Variants in VAT1 observed in about 807,000 individuals in gnomAD.
VAT1 encodes vesicle amine transport 1.
In VAT1, 24 loss-of-function variants were observed where a neutral mutation model predicts 33.3. The observed-to-expected ratio is 0.72, with a 90% CI of 0.52 to 1.01. VAT1 has a LOEUF of 1.01. VAT1 is among the 50% of genes least tolerant of loss of function. The probability of loss-of-function intolerance (pLI) is 0.00; values close to 1 mark genes in which losing one functional copy is unlikely to be tolerated. For missense variants in VAT1, 436 were observed against 533.7 expected, an observed-to-expected ratio of 0.82 and a Z score of 1.80; for synonymous variants, 212 against 225.0, an observed-to-expected ratio of 0.94 and a Z score of 0.52.
chr17:43,020,657 C>T (rs1033215504), intron 1 of VAT1, among the ~76,000 whole-genome samples: 1 of 152,056 alleles, frequency 6.6e-6, no homozygotes, highest in Non-Finnish European at 1.5e-5. Flanking sequence ...GTGGGCAGAT[C>T]ACCTGAGGTC....
intron 4 of VAT1, 70 bp from the exon 5 acceptor site, chr17:43,016,618 C>A: frequency 6.4e-7 from 1 of 1,572,118 alleles, no homozygotes; most frequent in Non-Finnish European, 8.7e-7. Flanking sequence ...TCTGTGCTCT[C>A]TGTTCCCTGT....
In VAT1 at chr17:43,022,251, C is replaced by T. The variant is rs751868973; in HGVS notation, c.72G>A (p.Glu24=). The change falls in exon 1 of 6, where the codon GAG becomes GAA. Residue 24 remains glutamate, a synonymous_variant. Coordinates refer to ENST00000355653, the MANE Select transcript of VAT1 (RefSeq NM_006373.4). Reference sequence around the variant, plus strand: ...CGGGATGCTGGGGGTCGCTCGCTGCCTCGGTTTTCGGAGGCGGCGAAGAGG... The same window carrying T: ...CGGGATGCTGGGGGTCGCTCGCTGCTTCGGTTTTCGGAGGCGGCGAAGAGG... ...EDASSPPPKT[E]AASDPQHPAA... is the part of the protein sequence containing the mutation. The T allele has an allele frequency of 5.1e-6, 8 of 1,583,432 alleles. No individual in the cohort carries two copies. The highest frequency in any genetic ancestry group is 1.3e-5 in the African/African-American group (1 of 74,196).
At chr17:43,020,804 G>A (rs2050559974) in intron 1 of VAT1, among the ~76,000 whole-genome samples, 1 of 151,130 alleles carries the variant, frequency 6.6e-6, no homozygotes, top group Non-Finnish European at 1.5e-5. Context: ...GAACCCGGGA[G>A]GCAGAGGTTG....
In VAT1 at chr17:43,016,471, T is replaced by TCACGCTGAACTGATTCCACCATGTCC. The variant is rs2050521547; in HGVS notation, c.908_933dup (p.Thr312GlyfsTer9). On this transcript the variant is annotated frameshift_variant, in exon 5 of 6. Transcript: ENST00000355653. LOFTEE classifies it high-confidence loss of function. ...TTGGCCTGCAGCAGCTGCAGAGCTGTCACGCTGAACTGATTCCACCATGTC... is the reference window on the plus strand; with the variant it reads ...TTGGCCTGCAGCAGCTGCAGAGCTGTCACGCTGAACTGATTCCACCATGTCCCACGCTGAACTGATTCCACCATGTC... 1 of 1,614,028 alleles carries TCACGCTGAACTGATTCCACCATGTCC rather than the reference T, an allele frequency of 6.2e-7. No individual in the cohort carries two copies. The highest frequency in any genetic ancestry group is 8.5e-7 in the Non-Finnish European group (1 of 1,180,034).
chr17:43,016,246 C>T (rs1279766296), intron 5 of VAT1, 61 bp downstream of exon 5: 2 of 1,607,920 alleles, frequency 1.2e-6, no homozygotes, highest in Non-Finnish European at 1.7e-6. Flanking sequence ...GAATCTGCCC[C>T]TTGGGACCCC....
chr17:43,021,788 C>T, intron 1 of VAT1, 148 bp downstream of exon 1: 2 of 1,442,024 alleles, frequency 1.4e-6, no homozygotes, highest in Non-Finnish European at 1.8e-6. Flanking sequence ...AGCCCCCAAA[C>T]ACAAGTTCCT....
At chr17:43,017,779 C>T in intron 4 of VAT1, 62 bp downstream of exon 4, 7 of 1,519,596 alleles carry the variant, frequency 4.6e-6, no homozygotes, top group Non-Finnish European at 5.5e-6. Context: ...CTCTATATCC[C>T]ACCCCTTAGA....
chr17:43,021,606 T>TGGGGGGGGGGGGGG (rs35999638), intron 1 of VAT1, among the ~76,000 whole-genome samples: 1 of 49,414 alleles, frequency 2.0e-5, no homozygotes, highest in Non-Finnish European at 4.2e-5. Context: ...GTGGTTTTAA[T>TGGGGGGGGGGGGGG]GGGGGGGGGG....
At position 43,016,379 on chromosome 17, in the gene VAT1, C is replaced by A; in HGVS notation, c.1026G>T (p.Val342=). 1 of 1,613,456 alleles carries A rather than the reference C, an allele frequency of 6.2e-7. No individual in the cohort carries two copies. The highest frequency in any genetic ancestry group is 8.5e-7 in the Non-Finnish European group (1 of 1,180,030). ...GGTTGTACAGAGCCAGGAGGCGGGC[C>A]ACCACACCACTGACCAGCTCCACCT... ...DGEVELVSGV[V]ARLLALYNQG... Residue 342 remains valine, a synonymous_variant, in exon 5 of 6, where the codon GTG becomes GTT. Coordinates refer to ENST00000355653, the MANE Select transcript of VAT1 (RefSeq NM_006373.4).
chr17:43,016,491 C>T lies in VAT1; in HGVS notation c.914G>A (p.Trp305Ter), dbSNP rs2050521801. 6.2e-7 allele frequency: 1 copy of T among 1,613,986 alleles called. No homozygotes were observed. Among genetic ancestry groups the T allele is most frequent in the Non-Finnish European group, 8.5e-7 (1 of 1,180,034 alleles). The change falls in exon 5 of 6, where the codon TGG (tryptophan) becomes TAG (stop). Residue 305 changes from tryptophan (W) to a stop codon, truncating the protein, a stop_gained. Coordinates refer to ENST00000355653, the MANE Select transcript of VAT1 (RefSeq NM_006373.4). LOFTEE classifies it high-confidence loss of function. ...KRNLMALART[W>*]WNQFSVTALQ... ...AGCTGTCACGCTGAACTGATTCCAC[C>T]ATGTCCGGGCCAGGGCCATCAGGTT...
intron 1 of VAT1, chr17:43,019,362 A>C (rs1031350811): frequency 2.0e-5 from 3 of 153,172 alleles, no homozygotes; most frequent in African/African-American, 7.2e-5. Context: ...GCACTTAATA[A>C]TGTTAGCTAA....
intron 1 of VAT1, 139 bp downstream of exon 1, chr17:43,021,797 C>T: frequency 4.8e-6 from 7 of 1,447,410 alleles, no homozygotes; most frequent in South Asian, 1.4e-5. Flanking sequence ...ACACAAGTTC[C>T]TTGGCTACGC....
chr17:43,022,143 G>C lies in VAT1; in HGVS notation c.180C>G (p.Asp60Glu). 2 of 1,560,650 alleles carry C rather than the reference G, an allele frequency of 1.3e-6. No individual in the cohort carries two copies. The highest frequency in any genetic ancestry group is 1.7e-6 in the Non-Finnish European group (2 of 1,152,410). The change falls in exon 1 of 6, where the codon GAC becomes GAG. Residue 60 changes from aspartate (D) to glutamate (E), a missense_variant. Coordinates refer to ENST00000355653, the MANE Select transcript of VAT1 (RefSeq NM_006373.4). The stretch of plus-strand genomic sequence containing the variant: ...CCGGCCGGCTCTGCAGCTTCACCTT[G>C]TCGTAGCCTCCAAAGCCGGTGAGCA... ...CLVLTGFGGY[D>E]KVKLQSRPAA...
intron 1 of VAT1, among the ~76,000 whole-genome samples, chr17:43,021,734 C>A (rs1262078667): frequency 1.3e-5 from 2 of 151,912 alleles, no homozygotes; most frequent in Non-Finnish European, 1.5e-5. Flanking sequence ...GGGGAAGGGG[C>A]GATAATTTCG....
chr17:43,021,327 TA>T (rs1025213784), intron 1 of VAT1, among the ~76,000 whole-genome samples: 23 of 152,080 alleles, frequency 1.5e-4, no homozygotes, highest in African/African-American at 4.3e-4. Flanking sequence ...ATCGGCGGTG[TA>T]AGGCTGGTGG....
Position 43,018,621 on chromosome 17 carries a change from C to G in VAT1, c.566G>C (p.Gly189Ala), listed in dbSNP as rs1444382614. 6.2e-7 allele frequency: 1 copy of G among 1,613,906 alleles called. No individual in the cohort carries two copies. The highest frequency in any genetic ancestry group is 1.3e-5 in the African/African-American group (1 of 75,022). The change falls in exon 2 of 6, where the codon GGC becomes GCC. Residue 189 changes from glycine (G) to alanine (A), a missense_variant. Physicochemically the swap from Gly to Ala is moderately conservative, Grantham distance 60 (BLOSUM62 0). Transcript: ENST00000355653. ...VLFDFGNLQP[G>A]HSVLVHMAAG... ...AGCCATGTGTACCAAGACGCTGTGG[C>G]CAGGCTGTAGGTTGCCGAAGTCAAA... is the stretch of plus-strand genomic sequence containing the variant.
intron 4 of VAT1, among the ~76,000 whole-genome samples, chr17:43,017,196 T>C (rs1327932333): frequency 1.4e-5 from 2 of 144,922 alleles, no homozygotes; most frequent in Non-Finnish European, 3.0e-5. Context: ...TATGAAATAC[T>C]TTTTTAAATG....
chr17:43,018,218 C>G lies in VAT1; in HGVS notation c.596-12G>C, dbSNP rs369343787. 6 of 1,600,316 alleles carry G rather than the reference C, an allele frequency of 3.7e-6. No individual in the cohort carries two copies. The highest frequency in any genetic ancestry group is 5.1e-6 in the Non-Finnish European group (6 of 1,170,832). ...CATACCCACACCCCCTGCAGCAAGA[C>G]ACCCATAAGCAGGGGATATGGAGTT... On this transcript the variant is annotated splice_polypyrimidine_tract_variant and intron_variant, in intron 2 of 5. Coordinates refer to ENST00000355653, the MANE Select transcript of VAT1 (RefSeq NM_006373.4).
rs1196733663 is a variant in VAT1 at position 43,022,294 on chromosome 17, G to A, written c.29C>T (p.Ala10Val). 5 of 1,585,328 alleles carry A rather than the reference G, an allele frequency of 3.2e-6. No homozygotes were observed. In the African/African-American group the frequency reaches 5.4e-5, roughly 17 times the overall value. Reference sequence around the variant, plus strand: ...CGAAGAGGCGTCTTCCCCGGTCGCTGCCTCGGCTACCTCTCTCTCGTCGGA... The same window carrying A: ...CGAAGAGGCGTCTTCCCCGGTCGCTACCTCGGCTACCTCTCTCTCGTCGGA... Reference protein sequence around the residue: MSDEREVAEAATGEDASSPP... With the variant: MSDEREVAEVATGEDASSPP... Residue 10 changes from alanine (A) to valine (V), a missense_variant, in exon 1 of 6, where the codon GCA becomes GTA. Physicochemically the swap from Ala to Val is moderately conservative, Grantham distance 64. This residue lies in a region of VAT1 where 154 missense variants were observed against 128.3 expected (regional missense o/e 1.20). Coordinates refer to ENST00000355653, the MANE Select transcript of VAT1 (RefSeq NM_006373.4).
Sources: allele counts gnomAD v4.1 joint callset (sites outside exome capture counted in the v4.1 genomes callset), GRCh38; gene constraint gnomAD v4.1.1; regional missense constraint gnomAD v4.1.1; transcripts MANE v1.5; gene names NCBI Gene and HGNC (gene_info 2026-07-23, HGNC 2026-07-21).